The following ARHGAP15 variants were observed in gnomAD, a reference collection of about 807,000 sequenced individuals.
The protein encoded by ARHGAP15 is rho GTPase-activating protein 15.
In ARHGAP15, 51 loss-of-function variants were observed where a neutral mutation model predicts 63.7. The ratio of observed to expected loss-of-function variants is 0.80; its 90% CI spans 0.64 to 1.01. The LOEUF (loss-of-function observed/expected upper bound fraction) is 1.01, where lower values mean the gene tolerates loss of function less well. ARHGAP15 is among the 50% of genes least tolerant of loss of function. The probability of loss-of-function intolerance (pLI) is 0.00; values close to 1 mark genes in which losing one functional copy is unlikely to be tolerated. For missense variants in ARHGAP15, 560 were observed against 564.6 expected, an observed-to-expected ratio of 0.99 and a Z score of 0.08; for synonymous variants, 191 against 193.8, an observed-to-expected ratio of 0.99 and a Z score of 0.12.
intron 6 of ARHGAP15, among the ~76,000 whole-genome samples, chr2:143,294,481 CT>C (rs995919498): frequency 9.9e-5 from 15 of 152,180 alleles, no homozygotes; most frequent in African/African-American, 3.1e-4. Context: ...TGGCAGGCTG[CT>C]TTCCTGCAGC....
At chr2:143,233,486 A>G (rs1693525846) in intron 5 of ARHGAP15, among the ~76,000 whole-genome samples, 1 of 151,828 alleles carries the variant, frequency 6.6e-6, no homozygotes, top group South Asian at 2.1e-4. Flanking sequence ...ATCTTTTCTG[A>G]TTGCTCATAA....
At chr2:143,485,049 C>A (rs868055739) in intron 8 of ARHGAP15, among the ~76,000 whole-genome samples, 2 of 152,030 alleles carry the variant, frequency 1.3e-5, no homozygotes, top group East Asian at 1.9e-4. Flanking sequence ...ACTCTCAGAC[C>A]TATAGTACCC....
intron 6 of ARHGAP15, among the ~76,000 whole-genome samples, chr2:143,330,123 AAAAAAAAACCAAAAAC>A (rs1454279557): frequency 1.1e-4 from 9 of 84,976 alleles, no homozygotes; most frequent in Admixed American, 7.2e-4. Context: ...AAAAAAAAAA[AAAAAAAAACCAAAAAC>A]AAAAAACTAA....
chr2:143,551,305 C>T (rs988895152), intron 10 of ARHGAP15, among the ~76,000 whole-genome samples: 1 of 152,070 alleles, frequency 6.6e-6, no homozygotes, highest in Admixed American at 6.6e-5. Flanking sequence ...GCATGCGCCA[C>T]CATGCCAGGC....
At chr2:143,642,586 G>GCA (rs1174333450) in intron 12 of ARHGAP15, among the ~76,000 whole-genome samples, 2 of 152,086 alleles carry the variant, frequency 1.3e-5, no homozygotes, top group Non-Finnish European at 2.9e-5. Context: ...ACAGCACCTT[G>GCA]TCCAAGCCAT....
chr2:143,703,664 C>A lies in ARHGAP15; in HGVS notation c.1244+140C>A, dbSNP rs1032970777. 29 of 618,494 alleles carry A rather than the reference C, an allele frequency of 4.7e-5. No individual in the cohort carries two copies. In the African/African-American group the frequency reaches 5.3e-4, roughly 11 times the overall value. 38.3% of individuals were successfully genotyped at this position (618,494 alleles called of 1,614,324 possible). The stretch of plus-strand genomic sequence containing the variant: ...CTTGTAGCTGAACTAGGTCTTTCTG[C>A]AGAAGCTGGAGAATGTGTTAGGGAT... On this transcript the variant is annotated intron_variant, in intron 13 of 13. Transcript: ENST00000295095.
Position 143,374,779 on chromosome 2 carries a change from A to G in ARHGAP15, c.475-60822A>G, listed in dbSNP as rs553590264. On this transcript the variant is annotated intron_variant, in intron 6 of 13. Transcript: ENST00000295095. ...TGGCTTCCCAAAGTTCTGGGATTACAGGCATGAGCTACTGCTCCTGGCCAT... is the reference window on the plus strand; with the variant it reads ...TGGCTTCCCAAAGTTCTGGGATTACGGGCATGAGCTACTGCTCCTGGCCAT... Among the ~76,000 whole-genome samples, 92 of 152,322 alleles carry G rather than the reference A, an allele frequency of 6.0e-4. 1 individual carries two copies. The highest frequency in any genetic ancestry group is 2.1e-3 in the African/African-American group (89 of 41,574).
At chr2:143,488,332 T>C (rs1039452723) in intron 9 of ARHGAP15, among the ~76,000 whole-genome samples, 10 of 152,236 alleles carry the variant, frequency 6.6e-5, no homozygotes, top group Admixed American at 2.0e-4. Flanking sequence ...TCATTGTTGT[T>C]ATCACTGTTA....
At chr2:143,140,917 T>G (rs950169720) in intron 1 of ARHGAP15, among the ~76,000 whole-genome samples, 10 of 152,126 alleles carry the variant, frequency 6.6e-5, no homozygotes, top group African/African-American at 2.4e-4. Flanking sequence ...CCAGCTGGCA[T>G]TGAGCTTTAG....
At chr2:143,630,600 C>A (rs1699027242) in intron 12 of ARHGAP15, among the ~76,000 whole-genome samples, 1 of 151,990 alleles carries the variant, frequency 6.6e-6, no homozygotes, top group Non-Finnish European at 1.5e-5. Flanking sequence ...ATATCTGTTA[C>A]CTAATATTGT....
At chr2:143,363,746 A>G (rs1311652446) in intron 6 of ARHGAP15, among the ~76,000 whole-genome samples, 1 of 152,188 alleles carries the variant, frequency 6.6e-6, no homozygotes. Context: ...ATGTTTGTCA[A>G]TCAATTTTGA....
At chr2:143,490,269 G>T (rs1692529233) in intron 9 of ARHGAP15, among the ~76,000 whole-genome samples, 1 of 152,180 alleles carries the variant, frequency 6.6e-6, no homozygotes, top group Non-Finnish European at 1.5e-5. Context: ...AAAGTGACGG[G>T]ATTACAGGCA....
chr2:143,489,299 C>T (rs542266147), intron 9 of ARHGAP15, among the ~76,000 whole-genome samples: 1 of 152,316 alleles, frequency 6.6e-6, no homozygotes, highest in East Asian at 1.9e-4. Flanking sequence ...GCTAAACACA[C>T]TCTGATTCAT....
chr2:143,584,557 C>T (rs1374781501), intron 11 of ARHGAP15, among the ~76,000 whole-genome samples: 1 of 151,960 alleles, frequency 6.6e-6, no homozygotes, highest in Admixed American at 6.6e-5. Flanking sequence ...CCCCAGGAGG[C>T]GGAGGTTGCA....
At chr2:143,544,914 T>C (rs1695261877) in intron 10 of ARHGAP15, among the ~76,000 whole-genome samples, 1 of 152,186 alleles carries the variant, frequency 6.6e-6, no homozygotes, top group African/African-American at 2.4e-5. Flanking sequence ...AAAACAGTCA[T>C]CCTATTTGTG....
At position 143,685,825 on chromosome 2, in the gene ARHGAP15, A is replaced by G. The variant is rs1028195650; in HGVS notation, c.1139-17594A>G. ...TCAATTTGTCAGGAAATGTAGAACA[A>G]TTTCCTCACAGCCTGAAATTTGGTA... is the stretch of plus-strand genomic sequence containing the variant. On this transcript the variant is annotated intron_variant, in intron 12 of 13. Coordinates refer to ENST00000295095, the MANE Select transcript of ARHGAP15 (RefSeq NM_018460.4). 2.6e-5 allele frequency among the ~76,000 whole-genome samples: 4 copies of G among 152,282 alleles called. No homozygotes were observed. In the East Asian group the frequency reaches 7.7e-4, roughly 29 times the overall value.
At chr2:143,701,775 T>C (rs904699663) in intron 12 of ARHGAP15, among the ~76,000 whole-genome samples, 6 of 151,506 alleles carry the variant, frequency 4.0e-5, no homozygotes, top group African/African-American at 1.5e-4. Flanking sequence ...AGGACTAGTA[T>C]GACTGCTCCA....
At chr2:143,467,914 C>T (rs1403778930) in intron 8 of ARHGAP15, among the ~76,000 whole-genome samples, 1 of 152,054 alleles carries the variant, frequency 6.6e-6, no homozygotes, top group African/African-American at 2.4e-5. Context: ...CAGATCTAAG[C>T]TTAGTTCATC....
chr2:143,401,269 CATAA>C (rs1246323810), intron 6 of ARHGAP15, among the ~76,000 whole-genome samples: 1 of 151,934 alleles, frequency 6.6e-6, no homozygotes, highest in African/African-American at 2.4e-5. Context: ...TTATCTCTAT[CATAA>C]ATAGATAGAA....
Sources: allele counts gnomAD v4.1 joint callset (sites outside exome capture counted in the v4.1 genomes callset), GRCh38; gene constraint gnomAD v4.1.1; transcripts MANE v1.5; gene names NCBI Gene and HGNC (gene_info 2026-07-23, HGNC 2026-07-21).